Variants in IL1RAPL2 observed in about 807,000 individuals in gnomAD.
IL1RAPL2 encodes the protein X-linked interleukin-1 receptor accessory protein-like 2.
A neutral mutation model predicts 44.1 loss-of-function variants in IL1RAPL2; 3 were observed. The observed-to-expected ratio is 0.07, with a 90% CI of 0.03 to 0.18. The LOEUF is 0.18. IL1RAPL2 is among the 10% of genes least tolerant of loss of function. IL1RAPL2 has a pLI of 1.00. For missense variants in IL1RAPL2, 391 were observed against 496.4 expected, an observed-to-expected ratio of 0.79 and a Z score of 2.02; for synonymous variants, 181 against 178.8, an observed-to-expected ratio of 1.01 and a Z score of -0.10.
intron 5 of IL1RAPL2, among the ~76,000 whole-genome samples, chrX:105,368,160 A>T: frequency 9.0e-6 from 1 of 110,917 alleles, no homozygotes; most frequent in East Asian, 2.8e-4. Context: ...CTCTGGCAGG[A>T]ATTTCTCACT....
chrX:105,190,784 G>A (rs2033626557), intron 2 of IL1RAPL2, among the ~76,000 whole-genome samples: 2 of 112,171 alleles, frequency 1.8e-5, no homozygotes, highest in African/African-American at 6.5e-5. Flanking sequence ...CTAAAATAAT[G>A]TTATAATTGT....
chrX:105,188,538 C>T (rs1339071404), intron 2 of IL1RAPL2, among the ~76,000 whole-genome samples: 2 of 111,271 alleles, frequency 1.8e-5, no homozygotes, highest in African/African-American at 6.5e-5. Context: ...CTTGACAAAG[C>T]ATTGCACAGA....
rs138317743 is a variant in IL1RAPL2, at chrX:104,603,014, C to T, written c.-20+35963C>T. 5.2e-3 allele frequency among the ~76,000 whole-genome samples: 577 copies of T among 111,637 alleles called. 2 individuals carry two copies. The highest frequency in any genetic ancestry group is 9.4e-3 in the Non-Finnish European group (497 of 53,081). ...CTACCTCCTCAAGTGGATCCCTGAA[C>T]CGCATGTATCATGACTGGAAGACAC... On this transcript the variant is annotated intron_variant, in intron 1 of 10. Transcript: ENST00000372582.
intron 2 of IL1RAPL2, among the ~76,000 whole-genome samples, chrX:105,183,842 G>C (rs782518171): frequency 1.8e-5 from 2 of 111,485 alleles, no homozygotes; most frequent in South Asian, 7.8e-4. Flanking sequence ...TGGAGATGCA[G>C]GGACTAATGT....
chrX:105,619,377 A>G, intron 6 of IL1RAPL2, among the ~76,000 whole-genome samples: 1 of 111,621 alleles, frequency 9.0e-6, no homozygotes, highest in East Asian at 2.8e-4. Context: ...ACAAAGAGGG[A>G]GACACCATTA....
At chrX:105,636,542 T>G (rs1407662311) in intron 6 of IL1RAPL2, among the ~76,000 whole-genome samples, 1 of 111,382 alleles carries the variant, frequency 9.0e-6, no homozygotes, top group Non-Finnish European at 1.9e-5. Context: ...AGGTGACCCT[T>G]AGATACAGAC....
At chrX:105,064,202 TTAGAAATA>T (rs2032108999) in intron 2 of IL1RAPL2, among the ~76,000 whole-genome samples, 1 of 111,989 alleles carries the variant, frequency 8.9e-6, no homozygotes, top group Non-Finnish European at 1.9e-5. Flanking sequence ...GTCAAAAACC[TTAGAAATA>T]TACCTCGTGT....
chrX:105,305,526 C>A (rs1461511897), intron 5 of IL1RAPL2, among the ~76,000 whole-genome samples: 1 of 110,620 alleles, frequency 9.0e-6, no homozygotes, highest in Non-Finnish European at 1.9e-5. Flanking sequence ...CTCTTCCTTC[C>A]CTCCCCCAAC....
intron 6 of IL1RAPL2, among the ~76,000 whole-genome samples, chrX:105,556,605 G>A (rs1047478097): frequency 3.4e-4 from 38 of 111,353 alleles, no homozygotes; most frequent in African/African-American, 1.2e-3. Flanking sequence ...TATTACACTG[G>A]TTAAATAGTA....
At chrX:105,298,163 A>G (rs2034668466) in intron 5 of IL1RAPL2, among the ~76,000 whole-genome samples, 1 of 111,179 alleles carries the variant, frequency 9.0e-6, no homozygotes, top group African/African-American at 3.3e-5. Flanking sequence ...TTATTTTAGC[A>G]ATTTTCAAGT....
At chrX:105,669,882 C>T (rs761791866) in intron 6 of IL1RAPL2, among the ~76,000 whole-genome samples, 1 of 107,136 alleles carries the variant, frequency 9.3e-6, no homozygotes, top group African/African-American at 3.4e-5. Flanking sequence ...TTTTACAGTG[C>T]TACATTTTAC....
At chrX:104,879,108 C>T (rs1397841880) in intron 2 of IL1RAPL2, among the ~76,000 whole-genome samples, 1 of 109,903 alleles carries the variant, frequency 9.1e-6, no homozygotes, top group Non-Finnish European at 1.9e-5. Flanking sequence ...GTAAATCAGG[C>T]TCTGGTTTGA....
At chrX:104,953,501 TAAAAC>T (rs1228109604) in intron 2 of IL1RAPL2, among the ~76,000 whole-genome samples, 2 of 111,634 alleles carry the variant, frequency 1.8e-5, no homozygotes, top group African/African-American at 6.5e-5. Flanking sequence ...TTCCAGATGT[TAAAAC>T]AATATGAAAT....
At chrX:104,628,768 TTC>T (rs1929571226) in intron 1 of IL1RAPL2, among the ~76,000 whole-genome samples, 1 of 111,900 alleles carries the variant, frequency 8.9e-6, no homozygotes, top group African/African-American at 3.2e-5. Context: ...GGTATAAGAG[TTC>T]TGTTTTCTCT....
At chrX:104,949,451 CT>C (rs1391992728) in intron 2 of IL1RAPL2, among the ~76,000 whole-genome samples, 1 of 106,348 alleles carries the variant, frequency 9.4e-6, no homozygotes, top group Non-Finnish European at 1.9e-5. Flanking sequence ...TATTTCTTGC[CT>C]TCTGCTAGCT....
intron 2 of IL1RAPL2, among the ~76,000 whole-genome samples, chrX:105,161,898 C>T (rs2033328200): frequency 9.0e-6 from 1 of 111,722 alleles, no homozygotes; most frequent in Non-Finnish European, 1.9e-5. Context: ...ATGTGGCTTT[C>T]CTGGCTTTGG....
chrX:104,573,111 C>T (rs1247994582), intron 1 of IL1RAPL2, among the ~76,000 whole-genome samples: 1 of 111,924 alleles, frequency 8.9e-6, no homozygotes, highest in Non-Finnish European at 1.9e-5. Flanking sequence ...CCTTTGAGAT[C>T]TCAGTATTAG....
intron 2 of IL1RAPL2, among the ~76,000 whole-genome samples, chrX:105,019,182 T>G (rs1395119346): frequency 2.7e-5 from 3 of 112,055 alleles, no homozygotes; most frequent in African/African-American, 6.5e-5. Flanking sequence ...CAGAATTGAG[T>G]AGCCTGGGAG....
At chrX:105,076,254 G>A (rs777275705) in intron 2 of IL1RAPL2, among the ~76,000 whole-genome samples, 55 of 110,923 alleles carry the variant, frequency 5.0e-4, no homozygotes, top group Admixed American at 4.3e-3. Context: ...CTTTGTTCTC[G>A]TTGGTTTCAA....
Sources: allele counts gnomAD v4.1 joint callset (sites outside exome capture counted in the v4.1 genomes callset), GRCh38; gene constraint gnomAD v4.1.1; transcripts MANE v1.5; gene names NCBI Gene and HGNC (gene_info 2026-07-23, HGNC 2026-07-21).